Variants in NIPAL1 observed in about 807,000 individuals in gnomAD.
NIPAL1 encodes NIPA like domain containing 1.
NIPAL1 carries 35 observed loss-of-function variants against 37.7 expected under a neutral mutation model. The observed-to-expected ratio is 0.93, with a 90% CI of 0.71 to 1.23. NIPAL1 has a LOEUF of 1.23. NIPAL1 is among the 50% of genes most tolerant of loss of function. The pLI, the probability that NIPAL1 is intolerant of heterozygous loss-of-function variation, is 0.00. For synonymous variants in NIPAL1, 162 were observed against 183.0 expected, an observed-to-expected ratio of 0.89 and a Z score of 0.93; for missense variants, 412 against 473.9, an observed-to-expected ratio of 0.87 and a Z score of 1.21.
chr4:48,016,886 G>T lies in NIPAL1; in HGVS notation c.46+1G>T. On this transcript the variant is annotated splice_donor_variant, in intron 1 of 5. Coordinates refer to ENST00000295461, the MANE Select transcript of NIPAL1 (RefSeq NM_207330.3). LOFTEE classifies it high-confidence loss of function. ...CCGCCCGGAGAGCCCTGCCGAGAAG[G>T]TTTGTGTCTGCCCTGAGCCGAGGGA... The T allele has an allele frequency of 6.3e-7, 1 of 1,597,250 alleles. No homozygotes were observed. Among genetic ancestry groups the T allele is most frequent in the Non-Finnish European group, 8.5e-7 (1 of 1,173,884 alleles).
At chr4:48,030,587 A>G (rs191387500) in intron 3 of NIPAL1, among the ~76,000 whole-genome samples, 5 of 152,358 alleles carry the variant, frequency 3.3e-5, no homozygotes, top group East Asian at 1.9e-4. Flanking sequence ...GACAACACGG[A>G]TAAGTGAAAG....
intron 3 of NIPAL1, 74 bp from the exon 4 acceptor site, chr4:48,032,919 T>C (rs1715853486): frequency 1.0e-6 from 1 of 987,380 alleles, no homozygotes; most frequent in East Asian, 2.4e-5. Context: ...TCCACTGCTT[T>C]GCATGAGTCA....
chr4:48,024,459 TTTA>T (rs1715644975), intron 1 of NIPAL1, among the ~76,000 whole-genome samples: 1 of 151,978 alleles, frequency 6.6e-6, no homozygotes, highest in African/African-American at 2.4e-5. Context: ...TTCAATTTTT[TTTA>T]TGTAGATGGG....
chr4:48,032,959 A>AT (rs1560325099), intron 3 of NIPAL1, 34 bp from the exon 4 acceptor site: 2 of 1,513,916 alleles, frequency 1.3e-6, no homozygotes, highest in Admixed American at 1.7e-5. Context: ...AAGTAAGCCC[A>AT]TTTTTTATAT....
In NIPAL1 at chr4:48,038,658, A is replaced by G. The variant is rs866377518; in HGVS notation, c.*2486A>G. The G allele has an allele frequency of 6.6e-6, 1 of 152,200 alleles. No homozygotes were observed. Among genetic ancestry groups the G allele is most frequent in the Non-Finnish European group, 1.5e-5 (1 of 68,036 alleles). The allele number at this position is 152,200 out of a possible 1,614,324, so 9.4% of individuals were successfully genotyped here. A position where few individuals can be genotyped will look rare whatever the true frequency, so the allele number is the denominator to read the frequency against. ...GCATTTGAAAATTGCAGAAATTTTA[A>G]TATTTTTTCTTTTAATATTAAGAAC... On this transcript the variant is annotated 3_prime_UTR_variant, in exon 6 of 6. Coordinates refer to ENST00000295461, the MANE Select transcript of NIPAL1 (RefSeq NM_207330.3).
chr4:48,036,411 A>T lies in NIPAL1; in HGVS notation c.*239A>T. 1 of 453,688 alleles carries T rather than the reference A, an allele frequency of 2.2e-6. No individual in the cohort carries two copies. Among genetic ancestry groups the T allele is most frequent in the Non-Finnish European group, 3.9e-6 (1 of 257,460 alleles). 28.1% of individuals were successfully genotyped at this position (453,688 alleles called of 1,614,324 possible). A position where few individuals can be genotyped will look rare whatever the true frequency, so the allele number is the denominator to read the frequency against. On this transcript the variant is annotated 3_prime_UTR_variant, in exon 6 of 6. Coordinates refer to ENST00000295461, the MANE Select transcript of NIPAL1 (RefSeq NM_207330.3). ...TAAGGATCAAAGAAGTCAAAGAGCT[A>T]TGTGTGTCTCAGAATAATCTCCTTC...
Position 48,039,791 on chromosome 4 carries a change from TAC to T in NIPAL1, c.*3621_*3622del, listed in dbSNP as rs998374510. The T allele has an allele frequency of 2.0e-5, 3 of 152,256 alleles. No individual in the cohort carries two copies. Among genetic ancestry groups the T allele is most frequent in the Non-Finnish European group, 4.4e-5 (3 of 68,042 alleles). The allele number at this position is 152,256 out of a possible 1,614,324, so 9.4% of individuals were successfully genotyped here. On this transcript the variant is annotated 3_prime_UTR_variant, in exon 6 of 6. Transcript: ENST00000295461. ...TTCTTTGAATCAACATTTGAATTCTTACAGTCTTGTCACTAGAGACTTAAAAG... is the reference window on the plus strand; with the variant it reads ...TTCTTTGAATCAACATTTGAATTCTTAGTCTTGTCACTAGAGACTTAAAAG...
At chr4:48,034,315 TG>T (rs902672706) in intron 4 of NIPAL1, among the ~76,000 whole-genome samples, 1 of 150,460 alleles carries the variant, frequency 6.6e-6, no homozygotes, top group African/African-American at 2.4e-5. Context: ...GAGTTTTTTT[TG>T]TGATTTTTTT....
rs770659537 is a variant in NIPAL1, at chr4:48,021,196, A to C, written c.47-3872A>C. ...TTCTTTAAAATATCTCTCCTCTATC[A>C]GTGCCTATGAGTTTAGAACTGGTCC... On this transcript the variant is annotated intron_variant, in intron 1 of 5. Transcript: ENST00000295461. 1.6e-4 allele frequency among the ~76,000 whole-genome samples: 25 copies of C among 152,316 alleles called. 1 individual carries two copies. The highest frequency in any genetic ancestry group is 1.4e-3 in the East Asian group (7 of 5,182).
At position 48,034,936 on chromosome 4, in the gene NIPAL1, G is replaced by A; in HGVS notation, c.517G>A (p.Gly173Ser). 6.2e-7 allele frequency: 1 copy of A among 1,612,528 alleles called. No homozygotes were observed. Among genetic ancestry groups the A allele is most frequent in the Non-Finnish European group, 8.5e-7 (1 of 1,178,628 alleles). The change falls in exon 5 of 6, where the codon GGC becomes AGC. Residue 173 changes from glycine to serine, a missense_variant. Physicochemically the swap from Gly to Ser is moderately conservative, Grantham distance 56. Coordinates refer to ENST00000295461, the MANE Select transcript of NIPAL1 (RefSeq NM_207330.3). ...GCACTTGAACATTCATGGGAAAATA[G>A]GCTGCATATTAAGTATATTGGGGTC... ...NEHLNIHGKI[G>S]CILSILGSTV... is the part of the protein sequence containing the mutation.
At chr4:48,026,759 G>C (rs193146183) in intron 2 of NIPAL1, among the ~76,000 whole-genome samples, 2 of 151,198 alleles carry the variant, frequency 1.3e-5, no homozygotes, top group African/African-American at 4.9e-5. Flanking sequence ...TGCCCTGTCG[G>C]CCAGGCTGGA....
In NIPAL1 at chr4:48,033,054, C is replaced by T. The variant is rs770157571; in HGVS notation, c.432C>T (p.Thr144=). ...AYAFAPATLV[T]PLGALSVLIS... is the part of the protein sequence containing the mutation. ...CTTTTGCACCTGCCACCTTGGTCAC[C>T]CCTCTGGGTGCTTTGAGTGTTCTCA... is the stretch of plus-strand genomic sequence containing the variant. Residue 144 remains threonine (T), a synonymous_variant, in exon 4 of 6, where the codon ACC becomes ACT. Transcript: ENST00000295461. 3 of 1,613,690 alleles carry T rather than the reference C, an allele frequency of 1.9e-6. No homozygotes were observed. Among genetic ancestry groups the T allele is most frequent in the Non-Finnish European group, 2.5e-6 (3 of 1,179,680 alleles).
intron 1 of NIPAL1, among the ~76,000 whole-genome samples, chr4:48,021,132 A>G (rs1715559376): frequency 1.3e-5 from 2 of 152,334 alleles, no homozygotes; most frequent in South Asian, 4.1e-4. Flanking sequence ...TAGCAGTTAC[A>G]TAACTTTGGC....
At chr4:48,026,906 C>T (rs112909799) in intron 2 of NIPAL1, among the ~76,000 whole-genome samples, 49,087 of 151,156 alleles carry the variant, frequency 0.32, 9,164 homozygotes, top group Non-Finnish European at 0.41. Flanking sequence ...TTAGTAGAGA[C>T]GGGGTTTCAC....
rs200487407 is a variant in NIPAL1 at position 48,035,761 on chromosome 4, G to T, written c.822G>T (p.Pro274=). ...LIEWKPVYKH[P]LVFVLLAVLV... ...AATGGAAGCCAGTTTACAAACATCC[G>T]CTGGTCTTTGTTTTGCTGGCTGTAC... is the stretch of plus-strand genomic sequence containing the variant. Residue 274 remains proline (P), a synonymous_variant, in exon 6 of 6, where the codon CCG becomes CCT. Coordinates refer to ENST00000295461, the MANE Select transcript of NIPAL1 (RefSeq NM_207330.3). The T allele has an allele frequency of 5.0e-4, 812 of 1,614,158 alleles. 5 individuals are homozygous for T. Among genetic ancestry groups the T allele is most frequent in the Admixed American group, 3.6e-3 (215 of 60,020 alleles).
At chr4:48,024,877 T>C (rs1267665005) in intron 1 of NIPAL1, among the ~76,000 whole-genome samples, 191 bp from the exon 2 acceptor site, 1 of 152,224 alleles carries the variant, frequency 6.6e-6, no homozygotes, top group Non-Finnish European at 1.5e-5. Flanking sequence ...CACTTAAAAA[T>C]CATTTTTAAA....
chr4:48,039,379 TAAGG>T lies in NIPAL1; in HGVS notation c.*3211_*3214del, dbSNP rs1324408142. On this transcript the variant is annotated 3_prime_UTR_variant, in exon 6 of 6. Coordinates refer to ENST00000295461, the MANE Select transcript of NIPAL1 (RefSeq NM_207330.3). The stretch of plus-strand genomic sequence containing the variant: ...AATTCCCAAATAGGAAGATATTTTC[TAAGG>T]AAGAATAAAATGCTGGACCCCTATA... 1.3e-5 allele frequency: 2 copies of T among 152,056 alleles called. No individual in the cohort carries two copies. The highest frequency in any genetic ancestry group is 2.9e-5 in the Non-Finnish European group (2 of 68,002). The allele number at this position is 152,056 out of a possible 1,614,324, so 9.4% of individuals were successfully genotyped here.
chr4:48,024,376 T>C (rs1278844145), intron 1 of NIPAL1, among the ~76,000 whole-genome samples: 2 of 152,126 alleles, frequency 1.3e-5, no homozygotes, highest in Admixed American at 1.3e-4. Flanking sequence ...CCTCCTGGGC[T>C]CAAGCGATCC....
chr4:48,034,888 T>C lies in NIPAL1; in HGVS notation c.469T>C (p.Leu157=). 6.2e-7 allele frequency: 1 copy of C among 1,612,482 alleles called. No individual in the cohort carries two copies. Among genetic ancestry groups the C allele is most frequent in the South Asian group, 1.1e-5 (1 of 90,998 alleles). The part of the protein sequence containing the change: ...GALSVLISAI[L]SSYFLNEHLN... ...TTTTTTCTCTCCCAACAGTGCAATATTATCTTCCTACTTTTTAAACGAGCA... is the reference window on the plus strand; with the variant it reads ...TTTTTTCTCTCCCAACAGTGCAATACTATCTTCCTACTTTTTAAACGAGCA... The change falls in exon 5 of 6, where the codon TTA becomes CTA. Residue 157 remains leucine, a synonymous_variant. Transcript: ENST00000295461.
Sources: gnomAD v4.1 joint callset for allele counts (sites outside exome capture counted in the v4.1 genomes callset) on GRCh38, gnomAD v4.1.1 for gene constraint, MANE v1.5 for transcripts, NCBI Gene and HGNC (gene_info 2026-07-23, HGNC 2026-07-21) for gene names.